DCAF1: variants seen among roughly 807,000 people sequenced by gnomAD.
DCAF1 encodes the protein DDB1 and CUL4 associated factor 1, also known as DDB1- and CUL4-associated factor 1.
Under a neutral mutation model 128.0 loss-of-function variants are expected in DCAF1, and 15 were observed. The observed-to-expected ratio is 0.12, with a 90% confidence interval of 0.08 to 0.18. The LOEUF (loss-of-function observed/expected upper bound fraction) is 0.18, where lower values mean the gene tolerates loss of function less well. Among genes scored for constraint, DCAF1 ranks in the 10% least tolerant of loss-of-function variants. The probability of loss-of-function intolerance (pLI) is 1.00; values close to 1 mark genes in which losing one functional copy is unlikely to be tolerated. For synonymous variants in DCAF1, 610 were observed against 603.0 expected (o/e 1.01, Z -0.17); for missense variants, 988 against 1,649.5 (o/e 0.60, Z 6.95).
At chr3:51,494,725 A>G (rs542904096) in intron 2 of DCAF1, among the ~76,000 whole-genome samples, 6 of 151,942 alleles carry the variant, frequency 3.9e-5, no homozygotes, top group Non-Finnish European at 7.4e-5. Flanking sequence ...AAATTTTTTA[A>G]TTTTTATTAT....
chr3:51,454,411 G>C (rs1489272448), intron 6 of DCAF1, among the ~76,000 whole-genome samples: 4 of 152,000 alleles, frequency 2.6e-5, no homozygotes, highest in African/African-American at 7.2e-5. Flanking sequence ...ACCCAGAGTG[G>C]AGTGGAGTGG....
intron 1 of DCAF1, among the ~76,000 whole-genome samples, chr3:51,499,282 C>G (rs1577352056): frequency 6.6e-6 from 1 of 152,210 alleles, no homozygotes; most frequent in Non-Finnish European, 1.5e-5. Flanking sequence ...GGGACCCGCA[C>G]ACCTCTCTTT....
chr3:51,451,580 G>A (rs782644541), intron 6 of DCAF1, among the ~76,000 whole-genome samples: 20 of 152,110 alleles, frequency 1.3e-4, no homozygotes, highest in Non-Finnish European at 2.4e-4. Flanking sequence ...GGCTAACATG[G>A]TGAAACCCCA....
intron 3 of DCAF1, among the ~76,000 whole-genome samples, chr3:51,481,388 G>A (rs553028052): frequency 6.6e-5 from 10 of 152,268 alleles, no homozygotes; most frequent in Non-Finnish European, 1.3e-4. Flanking sequence ...GGCCAGTCAA[G>A]ACATGAGCAA....
At chr3:51,445,968 G>T (rs1422902898) in intron 6 of DCAF1, among the ~76,000 whole-genome samples, 4 of 145,522 alleles carry the variant, frequency 2.7e-5, no homozygotes, top group African/African-American at 1.0e-4. Context: ...TTTTGCCAGT[G>T]TCTTTTGCTA....
intron 2 of DCAF1, among the ~76,000 whole-genome samples, chr3:51,487,132 C>T (rs1707065525): frequency 6.6e-6 from 1 of 151,866 alleles, no homozygotes. Context: ...CCACCACACC[C>T]AGCTAATTTT....
At chr3:51,497,260 A>C (rs929070109) in intron 1 of DCAF1, among the ~76,000 whole-genome samples, 4 of 151,924 alleles carry the variant, frequency 2.6e-5, no homozygotes, top group Non-Finnish European at 4.4e-5. Context: ...GCACCACTGC[A>C]CTCCAGGCTA....
At chr3:51,475,724 G>A (rs959956537) in intron 3 of DCAF1, among the ~76,000 whole-genome samples, 1 of 152,204 alleles carries the variant, frequency 6.6e-6, no homozygotes, top group Non-Finnish European at 1.5e-5. Flanking sequence ...AGCCGGGCAC[G>A]GTGGCAGGCG....
At chr3:51,463,856 T>C (rs1464673162) in intron 5 of DCAF1, among the ~76,000 whole-genome samples, 1 of 152,082 alleles carries the variant, frequency 6.6e-6, no homozygotes, top group Admixed American at 6.6e-5. Context: ...CCATATACAC[T>C]TTAATGATTT....
At chr3:51,464,139 G>A (rs548784076) in intron 5 of DCAF1, among the ~76,000 whole-genome samples, 24 of 152,104 alleles carry the variant, frequency 1.6e-4, no homozygotes, top group Admixed American at 5.9e-4. Flanking sequence ...ACAGGCATGA[G>A]CCATCACATC....
intron 23 of DCAF1, 106 bp downstream of exon 23, chr3:51,412,273 C>T (rs540331005): frequency 2.7e-6 from 4 of 1,495,290 alleles, no homozygotes; most frequent in Admixed American, 2.0e-5. Flanking sequence ...AATGTGGCAA[C>T]AGGTAGCAAA....
At chr3:51,497,490 G>A (rs1315714554) in intron 1 of DCAF1, among the ~76,000 whole-genome samples, 1 of 152,138 alleles carries the variant, frequency 6.6e-6, no homozygotes, top group Non-Finnish European at 1.5e-5. Context: ...GGGAGGCTGA[G>A]GCAGGAGAAT....
Position 51,473,295 on chromosome 3 carries a change from G to A in DCAF1, c.111-2290C>T, listed in dbSNP as rs1704987330. 2.7e-5 allele frequency among the ~76,000 whole-genome samples: 4 copies of A among 150,606 alleles called. No homozygotes were observed. The South Asian group carries it at 8.4e-4, about 32-fold the overall frequency. ...AAAAAAACAAGAAAAATTACTATCT[G>A]GGTGACCTAAGACTGACACTCTATA... On this transcript the variant is annotated intron_variant, in intron 3 of 24. Transcript: ENST00000684031.
At chr3:51,443,476 G>T (rs1300098940) in intron 7 of DCAF1, among the ~76,000 whole-genome samples, 1 of 151,802 alleles carries the variant, frequency 6.6e-6, no homozygotes, top group Non-Finnish European at 1.5e-5. Context: ...TGTAACCCCA[G>T]CTACTCAGGA....
In DCAF1 at chr3:51,412,460, G is replaced by C. The variant is rs115019262; in HGVS notation, c.4131C>G (p.Ala1377=). ...GCCTGCATACTGTGTCCATGTTCAG[G>C]GCATCCATGCTGCCTTGATTCTGAA... is the stretch of plus-strand genomic sequence containing the variant. ...AVIENQGSMD[A]LNMDTVCRLY... The change falls in exon 23 of 25, where the codon GCC becomes GCG. Residue 1377 remains alanine (A), a synonymous_variant. Coordinates refer to ENST00000684031, the MANE Select transcript of DCAF1 (RefSeq NM_001387579.1). 500 of 1,613,820 alleles carry C rather than the reference G, an allele frequency of 3.1e-4. 3 individuals carry two copies. In the African/African-American group the frequency reaches 6.1e-3, roughly 20 times the overall value.
chr3:51,461,172 G>A (rs1293249473), intron 6 of DCAF1, among the ~76,000 whole-genome samples: 125 of 151,444 alleles, frequency 8.3e-4, no homozygotes, highest in African/African-American at 3.0e-3. Flanking sequence ...TCTGACAAAG[G>A]GCTAATATCC....
At chr3:51,423,212 G>A (rs1307607320) in intron 13 of DCAF1, among the ~76,000 whole-genome samples, 1 of 152,160 alleles carries the variant, frequency 6.6e-6, no homozygotes, top group African/African-American at 2.4e-5. Flanking sequence ...ATCAGGCCAG[G>A]GCCAGGCGTG....
At chr3:51,489,811 A>G (rs994581804) in intron 2 of DCAF1, among the ~76,000 whole-genome samples, 9 of 114,326 alleles carry the variant, frequency 7.9e-5, no homozygotes, top group South Asian at 6.3e-4. Flanking sequence ...GTGTGTATGC[A>G]TGTGTGTGTG....
At chr3:51,484,995 A>C in intron 2 of DCAF1, among the ~76,000 whole-genome samples, 1 of 151,562 alleles carries the variant, frequency 6.6e-6, no homozygotes, top group South Asian at 2.1e-4. Flanking sequence ...GGCTCACTGC[A>C]ACCTCTGCCT....
Sources: allele counts gnomAD v4.1 joint callset (sites outside exome capture counted in the v4.1 genomes callset), GRCh38; gene constraint gnomAD v4.1.1; transcripts MANE v1.5; gene names NCBI Gene and HGNC (gene_info 2026-07-23, HGNC 2026-07-21).